The following KCNG4 variants were observed in gnomAD, a reference collection of about 807,000 sequenced individuals.
KCNG4 encodes the protein potassium voltage-gated channel modifier subfamily G member 4, also known as voltage-gated potassium channel regulatory subunit KCNG4.
Under a neutral mutation model 28.2 loss-of-function variants are expected in KCNG4, and 30 were observed. That is an observed-to-expected ratio of 1.06 (90% CI 0.80 to 1.44). The LOEUF (loss-of-function observed/expected upper bound fraction) is 1.44, where lower values mean the gene tolerates loss of function less well. KCNG4 is among the 40% of genes most tolerant of loss of function. The pLI, the probability that KCNG4 is intolerant of heterozygous loss-of-function variation, is 0.00. For missense variants in KCNG4, 879 were observed against 712.3 expected, an observed-to-expected ratio of 1.23 and a Z score of -2.66; for synonymous variants, 375 against 315.5, an observed-to-expected ratio of 1.19 and a Z score of -2.00.
chr16:84,224,405 C>G (rs966059579), intron 2 of KCNG4, among the ~76,000 whole-genome samples: 23 of 80,528 alleles, frequency 2.9e-4, no homozygotes, highest in Non-Finnish European at 5.7e-4. Flanking sequence ...TACATATTTA[C>G]ACACACACAC....
intron 2 of KCNG4, among the ~76,000 whole-genome samples, chr16:84,234,462 A>G (rs992349048): frequency 1.3e-5 from 2 of 152,178 alleles, no homozygotes; most frequent in Non-Finnish European, 2.9e-5. Context: ...TACAGGCGTG[A>G]GCCACTGCAC....
At chr16:84,231,484 G>A (rs1597619407) in intron 2 of KCNG4, among the ~76,000 whole-genome samples, 1 of 152,186 alleles carries the variant, frequency 6.6e-6, no homozygotes, top group Non-Finnish European at 1.5e-5. Flanking sequence ...CACATGGAGA[G>A]GGTGCGAGGG....
rs1471424715 is a variant in KCNG4 at position 84,221,366 on chromosome 16, G to A, written c.*851C>T. ...GAACGATCCTCTCAAGGGACAACATGGACCCTGAAAGAGTTTGTCTCTGTC... is the reference window on the plus strand; with the variant it reads ...GAACGATCCTCTCAAGGGACAACATAGACCCTGAAAGAGTTTGTCTCTGTC... On this transcript the variant is annotated 3_prime_UTR_variant, in exon 3 of 3. Transcript: ENST00000308251. The A allele has an allele frequency of 6.6e-6, 1 of 152,218 alleles. No homozygotes were observed. Among genetic ancestry groups the A allele is most frequent in the Non-Finnish European group, 1.5e-5 (1 of 68,070 alleles). 9.4% of individuals were successfully genotyped at this position (152,218 alleles called of 1,614,324 possible).
chr16:84,227,746 G>A (rs969827090), intron 2 of KCNG4, among the ~76,000 whole-genome samples: 3 of 152,190 alleles, frequency 2.0e-5, no homozygotes, highest in Admixed American at 6.5e-5. Flanking sequence ...GCCATGAAAA[G>A]GAATGAAGGG....
In KCNG4 at chr16:84,222,661, G is replaced by T. The variant is rs775159241; in HGVS notation, c.1116C>A (p.Gly372=). 4 of 1,613,308 alleles carry T rather than the reference G, an allele frequency of 2.5e-6. No homozygotes were observed. The South Asian group carries it at 4.4e-5, about 18-fold the overall frequency. The part of the protein sequence containing the change: ...LTVRRCTREF[G]LLLLFLAVAI... ...CCACGGCCAGGAAGAGAAGGAGCAG[G>T]CCGAACTCACGTGTGCAACGGCGCA... Residue 372 remains glycine (G), a synonymous_variant, in exon 3 of 3, where the codon GGC becomes GGA. Coordinates refer to ENST00000308251, the MANE Select transcript of KCNG4 (RefSeq NM_172347.3).
At chr16:84,235,679 C>T (rs1017458204) in intron 2 of KCNG4, 1 of 152,168 alleles carries the variant, frequency 6.6e-6, no homozygotes, top group Non-Finnish European at 1.5e-5. Flanking sequence ...TGGGACATAT[C>T]TTTAAGCGAA....
chr16:84,238,660 G>T (rs1382436317), intron 1 of KCNG4, among the ~76,000 whole-genome samples: 1 of 152,158 alleles, frequency 6.6e-6, no homozygotes, highest in Non-Finnish European at 1.5e-5. Flanking sequence ...ATCATCTGAG[G>T]TCAGGAGTTC....
chr16:84,233,841 G>A (rs1032449902), intron 2 of KCNG4, among the ~76,000 whole-genome samples: 3 of 149,440 alleles, frequency 2.0e-5, no homozygotes, highest in African/African-American at 7.4e-5. Context: ...TAGTCATAGG[G>A]GGTCGGATTT....
In KCNG4 at chr16:84,237,232, A is replaced by T. The variant is rs1362100340; in HGVS notation, c.254T>A (p.Leu85Gln). 1 of 1,614,012 alleles carries T rather than the reference A, an allele frequency of 6.2e-7. No homozygotes were observed. The highest frequency in any genetic ancestry group is 1.3e-5 in the African/African-American group (1 of 74,942). The change falls in exon 2 of 3, where the codon CTG becomes CAG. Residue 85 changes from leucine (L) to glutamine (Q), a missense_variant. Transcript: ENST00000308251. ...STLDRFPLSRLSKLRLCRSYE... is the reference protein window; with the variant it reads ...STLDRFPLSRQSKLRLCRSYE... ...GCTCCGACAGAGCCTGAGTTTGCTC[A>T]GGCGGCTCAGCGGGAACCGGTCCAG...
chr16:84,221,764 G>A lies in KCNG4; in HGVS notation c.*453C>T, dbSNP rs1285835958. On this transcript the variant is annotated 3_prime_UTR_variant, in exon 3 of 3. Transcript: ENST00000308251. ...TGGGTGGGGAGATCTGATTAGAGGG[G>A]TTTGCAGTGACTGGACCTTTGATTT... The A allele has an allele frequency of 5.6e-6, 1 of 177,942 alleles. No homozygotes were observed. The highest frequency in any genetic ancestry group is 2.4e-5 in the African/African-American group (1 of 41,696). 11.0% of individuals were successfully genotyped at this position (177,942 alleles called of 1,614,324 possible).
At chr16:84,228,244 C>T (rs1020171590) in intron 2 of KCNG4, among the ~76,000 whole-genome samples, 2 of 152,220 alleles carry the variant, frequency 1.3e-5, no homozygotes, top group Non-Finnish European at 2.9e-5. Flanking sequence ...GACTTCCTCG[C>T]CCCCTCTGTC....
intron 1 of KCNG4, among the ~76,000 whole-genome samples, chr16:84,238,158 C>G (rs1009380071): frequency 1.2e-4 from 18 of 152,324 alleles, no homozygotes; most frequent in Admixed American, 3.9e-4. Flanking sequence ...ATGCTTCTGA[C>G]ATGCCTGGCT....
At chr16:84,224,413 C>CACACACATAT in intron 2 of KCNG4, among the ~76,000 whole-genome samples, 1 of 140,690 alleles carries the variant, frequency 7.1e-6, no homozygotes, top group South Asian at 2.3e-4. Flanking sequence ...TACACACACA[C>CACACACATAT]ACACACACAC....
In KCNG4 at chr16:84,220,621, G is replaced by A. The variant is rs1335847829; in HGVS notation, c.*1596C>T. The A allele has an allele frequency of 1.3e-5, 2 of 152,254 alleles. No individual in the cohort carries two copies. Among genetic ancestry groups the A allele is most frequent in the African/African-American group, 4.8e-5 (2 of 41,450 alleles). 9.4% of individuals were successfully genotyped at this position (152,254 alleles called of 1,614,324 possible). A position where few individuals can be genotyped will look rare whatever the true frequency, so the allele number is the denominator to read the frequency against. ...TTGGCAGGGCCGAAACCACTTCACTGTCACCTGTTTTGATCTTGTGCACTT... is the reference window on the plus strand; with the variant it reads ...TTGGCAGGGCCGAAACCACTTCACTATCACCTGTTTTGATCTTGTGCACTT... On this transcript the variant is annotated 3_prime_UTR_variant, in exon 3 of 3. Coordinates refer to ENST00000308251, the MANE Select transcript of KCNG4 (RefSeq NM_172347.3).
rs1189802352 is a variant in KCNG4 at position 84,228,080 on chromosome 16, G to A, written c.757-5060C>T. On this transcript the variant is annotated intron_variant, in intron 2 of 2. Coordinates refer to ENST00000308251, the MANE Select transcript of KCNG4 (RefSeq NM_172347.3). ...GAGGCAGGAAGTGGAAGTAGTGGGG[G>A]TCCCACAGCCTGGCCCTCACCTGTT... is the stretch of plus-strand genomic sequence containing the variant. 2.0e-5 allele frequency among the ~76,000 whole-genome samples: 3 copies of A among 152,230 alleles called. No homozygotes were observed. The East Asian group carries it at 5.8e-4, about 29-fold the overall frequency.
chr16:84,223,729 T>C (rs905471575), intron 2 of KCNG4, among the ~76,000 whole-genome samples: 2 of 152,156 alleles, frequency 1.3e-5, no homozygotes, highest in Non-Finnish European at 2.9e-5. Context: ...TTAGATACTG[T>C]TGGCTATTTT....
chr16:84,234,322 G>T (rs1348325050), intron 2 of KCNG4, among the ~76,000 whole-genome samples: 1 of 152,116 alleles, frequency 6.6e-6, no homozygotes, highest in East Asian at 1.9e-4. Context: ...ACAGGCACAA[G>T]CCACCACACC....
At chr16:84,228,850 T>A (rs1361738625) in intron 2 of KCNG4, among the ~76,000 whole-genome samples, 1 of 152,252 alleles carries the variant, frequency 6.6e-6, no homozygotes, top group Non-Finnish European at 1.5e-5. Context: ...TTCCCAAATC[T>A]ACGCTGCTTC....
chr16:84,237,472 G>T lies in KCNG4; in HGVS notation c.14C>A (p.Ser5Tyr). The T allele has an allele frequency of 1.3e-6, 2 of 1,499,770 alleles. No individual in the cohort carries two copies. Among genetic ancestry groups the T allele is most frequent in the East Asian group, 4.6e-5 (2 of 43,338 alleles). 92.9% of individuals were successfully genotyped at this position (1,499,770 alleles called of 1,614,324 possible). A position where few individuals can be genotyped will look rare whatever the true frequency, so the allele number is the denominator to read the frequency against. MPMP[S>Y]RDGGLHPRHH... The stretch of plus-strand genomic sequence containing the variant: ...TCTGGGATGCAGGCCCCCGTCTCTG[G>T]AAGGCATGGGCATTGCTGAAGACCA... Residue 5 changes from serine to tyrosine, a missense_variant, in exon 2 of 3, where the codon TCC becomes TAC. Physicochemically the swap from Ser to Tyr is moderately radical, Grantham distance 144. Transcript: ENST00000308251.
Sources: gnomAD v4.1 joint callset for allele counts (sites outside exome capture counted in the v4.1 genomes callset) on GRCh38, gnomAD v4.1.1 for gene constraint, MANE v1.5 for transcripts, NCBI Gene and HGNC (gene_info 2026-07-23, HGNC 2026-07-21) for gene names.